The following CDH23 variants were observed in gnomAD, a reference collection of about 807,000 sequenced individuals.
The protein encoded by CDH23 is cadherin-23.
In CDH23, 189 loss-of-function variants were observed where a neutral mutation model predicts 317.1. The ratio of observed to expected loss-of-function variants is 0.60; its 90% CI spans 0.53 to 0.67. The LOEUF (loss-of-function observed/expected upper bound fraction) is 0.67. CDH23 is among the 30% of genes least tolerant of loss of function. The pLI is 0.00. For synonymous variants in CDH23, 1,839 were observed against 1,876.8 expected, an observed-to-expected ratio of 0.98 and a Z score of 0.52; for missense variants, 4,401 against 4,592.4, an observed-to-expected ratio of 0.96 and a Z score of 1.20.
chr10:71,791,598 G>C (rs1440751391), intron 47 of CDH23, among the ~76,000 whole-genome samples: 1 of 148,442 alleles, frequency 6.7e-6, no homozygotes, highest in South Asian at 2.1e-4. Context: ...TTTTTAAGAC[G>C]GAGTTTTGCT....
chr10:71,541,205 C>T (rs1056468355), intron 6 of CDH23, among the ~76,000 whole-genome samples: 3 of 152,174 alleles, frequency 2.0e-5, no homozygotes, highest in Non-Finnish European at 2.9e-5. Flanking sequence ...GATTCCCAGC[C>T]GCTGGCCGCC....
chr10:71,524,288 C>G (rs557925869), intron 6 of CDH23, among the ~76,000 whole-genome samples: 1 of 152,182 alleles, frequency 6.6e-6, no homozygotes, highest in Admixed American at 6.5e-5. Flanking sequence ...TGCAGGATGC[C>G]GTCCCTGCCC....
chr10:71,717,729 C>G (rs1245472468), intron 28 of CDH23: 1 of 152,172 alleles, frequency 6.6e-6, no homozygotes. Flanking sequence ...GAGTGCAGGC[C>G]CAGTGTGGTC....
At chr10:71,809,767 G>T in intron 60 of CDH23, 53 bp from the exon 61 acceptor site, 1 of 1,585,186 alleles carries the variant, frequency 6.3e-7, no homozygotes, top group Non-Finnish European at 8.6e-7. Context: ...CCCTTCCTGG[G>T]GATTCGGGGC....
intron 20 of CDH23, among the ~76,000 whole-genome samples, chr10:71,691,224 G>GAGAAAAAGTGGGCAGAAAGAAGCAGCA: frequency 6.6e-6 from 1 of 152,212 alleles, no homozygotes; most frequent in South Asian, 2.1e-4. Context: ...TTGAAGCTGG[G>GAGAAAAAGTGGGCAGAAAGAAGCAGCA]AGAAAAAGTG....
chr10:71,562,704 C>A (rs762498207), intron 6 of CDH23, among the ~76,000 whole-genome samples: 70 of 152,358 alleles, frequency 4.6e-4, no homozygotes, highest in Non-Finnish European at 8.2e-4. Flanking sequence ...CAGCCATGGG[C>A]AGGAGACAAA....
intron 7 of CDH23, among the ~76,000 whole-genome samples, chr10:71,569,463 G>A (rs1488495120): frequency 3.3e-5 from 5 of 152,182 alleles, no homozygotes; most frequent in Admixed American, 2.6e-4. Context: ...GAGCCTGAGG[G>A]GCCTTAGAAG....
At chr10:71,573,899 T>C (rs1313832665) in intron 8 of CDH23, among the ~76,000 whole-genome samples, 1 of 152,190 alleles carries the variant, frequency 6.6e-6, no homozygotes, top group African/African-American at 2.4e-5. Context: ...GTTCTCAGGT[T>C]CCCTCGCCTC....
In CDH23 at chr10:71,459,085, C is replaced by CTTTT. The variant is rs372627407; in HGVS notation, c.145+12705_145+12708dup. Among the ~76,000 whole-genome samples, 465 of 102,578 alleles carry CTTTT rather than the reference C, an allele frequency of 4.5e-3. 30 individuals carry two copies. The East Asian group carries it at 0.079, about 17-fold the overall frequency. 67.3% of individuals were successfully genotyped at this position (102,578 alleles called of 152,430 possible). A position where few individuals can be genotyped will look rare whatever the true frequency, so the allele number is the denominator to read the frequency against. ...ACAGGTGTGAGCCACCACACCTGGC[C>CTTTT]TTTTTTTTTTTTTTTTTTGTGAGAT... On this transcript the variant is annotated intron_variant, in intron 3 of 69. Transcript: ENST00000224721.
intron 6 of CDH23, among the ~76,000 whole-genome samples, chr10:71,561,501 C>T (rs1857129344): frequency 6.6e-6 from 1 of 152,154 alleles, no homozygotes; most frequent in Non-Finnish European, 1.5e-5. Flanking sequence ...AGCTATTTAT[C>T]ATTATTATTA....
At chr10:71,431,099 G>T (rs1457195443) in intron 1 of CDH23, among the ~76,000 whole-genome samples, 1 of 152,234 alleles carries the variant, frequency 6.6e-6, no homozygotes, top group Non-Finnish European at 1.5e-5. Flanking sequence ...GGGATGGGGA[G>T]ACAGGAGATT....
chr10:71,577,643 G>A (rs961913365), intron 8 of CDH23, among the ~76,000 whole-genome samples: 7 of 152,178 alleles, frequency 4.6e-5, no homozygotes, highest in African/African-American at 9.7e-5. Context: ...CTGTTCTTCC[G>A]TGGTGGTCCA....
chr10:71,450,846 A>G (rs1850405738), intron 3 of CDH23, among the ~76,000 whole-genome samples: 1 of 152,004 alleles, frequency 6.6e-6, no homozygotes, highest in Non-Finnish European at 1.5e-5. Flanking sequence ...CACTACCTAT[A>G]TGCTGACAAC....
At chr10:71,411,240 A>G (rs1427413731) in intron 1 of CDH23, among the ~76,000 whole-genome samples, 2 of 152,218 alleles carry the variant, frequency 1.3e-5, no homozygotes, top group East Asian at 3.8e-4. Context: ...ACATCTTTAC[A>G]ATATTGAGTT....
chr10:71,784,482 T>G, intron 42 of CDH23, 62 bp downstream of exon 42: 1 of 1,572,962 alleles, frequency 6.4e-7, no homozygotes, highest in African/African-American at 1.3e-5. Context: ...CCACAGAGAT[T>G]CTTGTAAACA....
chr10:71,602,031 T>G (rs561073887), intron 9 of CDH23, among the ~76,000 whole-genome samples: 2 of 151,862 alleles, frequency 1.3e-5, no homozygotes, highest in South Asian at 4.2e-4. Context: ...AGCCAGCTGG[T>G]GGCCAGTTTC....
chr10:71,745,985 C>G (rs1839845619), intron 38 of CDH23, among the ~76,000 whole-genome samples: 1 of 152,236 alleles, frequency 6.6e-6, no homozygotes, highest in Non-Finnish European at 1.5e-5. Context: ...CAGGACCAAC[C>G]TTGCTGGAGG....
At chr10:71,440,764 G>A (rs1489057147) in intron 2 of CDH23, among the ~76,000 whole-genome samples, 2 of 152,218 alleles carry the variant, frequency 1.3e-5, no homozygotes, top group African/African-American at 4.8e-5. Context: ...CAGGCCAGGA[G>A]AGCAGGCATG....
chr10:71,798,309 C>T, intron 49 of CDH23, 45 bp from the exon 50 acceptor site: 1 of 1,469,296 alleles, frequency 6.8e-7, no homozygotes, highest in Non-Finnish European at 9.5e-7. Context: ...GGCCCAGCCA[C>T]ACTAGTGTCC....
Sources: gnomAD v4.1 joint callset for allele counts (sites outside exome capture counted in the v4.1 genomes callset) on GRCh38, gnomAD v4.1.1 for gene constraint, MANE v1.5 for transcripts, NCBI Gene and HGNC (gene_info 2026-07-23, HGNC 2026-07-21) for gene names.